Variants in NELL1 observed in about 807,000 individuals in gnomAD.
The protein encoded by NELL1 is protein kinase C-binding protein NELL1.
Under a neutral mutation model 107.4 loss-of-function variants are expected in NELL1, and 76 were observed. The ratio of observed to expected loss-of-function variants is 0.71; its 90% confidence interval spans 0.59 to 0.86. The LOEUF (loss-of-function observed/expected upper bound fraction) is 0.86. Ranked by LOEUF, NELL1 falls within the 40% of genes least tolerant of loss-of-function variation. The probability of loss-of-function intolerance (pLI) is 0.00; values close to 1 mark genes in which losing one functional copy is unlikely to be tolerated. For synonymous variants in NELL1, 353 were observed against 341.2 expected (o/e 1.03, Z -0.38); for missense variants, 1,024 against 1,005.5 (o/e 1.02, Z -0.25).
intron 13 of NELL1, among the ~76,000 whole-genome samples, chr11:21,140,795 A>T (rs2133771356): frequency 6.6e-6 from 1 of 152,318 alleles, no homozygotes; most frequent in East Asian, 1.9e-4. Flanking sequence ...ATCGTCATCT[A>T]GCTGTCATCC....
At chr11:21,227,258 C>T (rs1434577928) in intron 13 of NELL1, among the ~76,000 whole-genome samples, 2 of 152,152 alleles carry the variant, frequency 1.3e-5, no homozygotes, top group African/African-American at 4.8e-5. Flanking sequence ...AGCATGACCA[C>T]ACATGCTAGT....
intron 2 of NELL1, among the ~76,000 whole-genome samples, chr11:20,694,231 T>C (rs1285091894): frequency 6.6e-6 from 1 of 152,112 alleles, no homozygotes; most frequent in African/African-American, 2.4e-5. Flanking sequence ...TTGGTTTGAA[T>C]TTCCTCCTGT....
At chr11:21,378,219 A>T (rs1293423393) in intron 15 of NELL1, among the ~76,000 whole-genome samples, 2 of 150,854 alleles carry the variant, frequency 1.3e-5, no homozygotes, top group Non-Finnish European at 3.0e-5. Context: ...CTCGTGGTCT[A>T]GATGTAGCAT....
chr11:21,284,632 G>A (rs1353425490), intron 14 of NELL1: 2 of 413,400 alleles, frequency 4.8e-6, no homozygotes, highest in Non-Finnish European at 9.8e-6. Flanking sequence ...GTTATCAACA[G>A]TGTCTGCACA....
intron 12 of NELL1, among the ~76,000 whole-genome samples, chr11:20,980,356 G>A: frequency 6.6e-6 from 1 of 152,112 alleles, no homozygotes; most frequent in East Asian, 1.9e-4. Context: ...AGAAGAATTA[G>A]GACTAAGATT....
Position 21,290,748 on chromosome 11 carries a change from A to G in NELL1, c.1549+61294A>G, listed in dbSNP as rs1280001731. Reference sequence around the variant, plus strand: ...GCAAACTCCAGCAGACCTGCTGCAGAGGGGCCTGACTGTTACAAGGAAAAC... The same window carrying G: ...GCAAACTCCAGCAGACCTGCTGCAGGGGGGCCTGACTGTTACAAGGAAAAC... On this transcript the variant is annotated intron_variant, in intron 14 of 19. Coordinates refer to ENST00000357134, the MANE Select transcript of NELL1 (RefSeq NM_006157.5). 5.9e-5 allele frequency among the ~76,000 whole-genome samples: 9 copies of G among 152,220 alleles called. 1 individual carries two copies.
intron 2 of NELL1, among the ~76,000 whole-genome samples, chr11:20,736,229 A>G (rs1855757969): frequency 6.6e-6 from 1 of 152,160 alleles, no homozygotes; most frequent in Admixed American, 6.5e-5. Flanking sequence ...GTGATTGGCT[A>G]GAGCATGCCT....
intron 14 of NELL1, among the ~76,000 whole-genome samples, chr11:21,238,165 A>G (rs1462247014): frequency 6.6e-6 from 1 of 152,038 alleles, no homozygotes; most frequent in African/African-American, 2.4e-5. Flanking sequence ...TGCTCAGATA[A>G]AACAATCTTA....
chr11:20,747,606 C>G (rs190231022), intron 2 of NELL1, among the ~76,000 whole-genome samples: 12 of 152,272 alleles, frequency 7.9e-5, no homozygotes, highest in Admixed American at 7.2e-4. Context: ...AAAGCAGAAC[C>G]CTTATCACCT....
intron 9 of NELL1, among the ~76,000 whole-genome samples, chr11:20,930,957 TA>T (rs1178012937): frequency 6.6e-6 from 1 of 152,086 alleles, no homozygotes; most frequent in Non-Finnish European, 1.5e-5. Context: ...TAGACAAACT[TA>T]AAAAGAAATG....
intron 14 of NELL1, among the ~76,000 whole-genome samples, chr11:21,362,855 C>T (rs1248140859): frequency 1.4e-5 from 2 of 146,688 alleles, no homozygotes; most frequent in East Asian, 4.0e-4. Context: ...GGGCTTGCTG[C>T]AGCCACAGTG....
At chr11:21,042,557 C>A (rs1032144290) in intron 12 of NELL1, among the ~76,000 whole-genome samples, 2 of 152,162 alleles carry the variant, frequency 1.3e-5, no homozygotes, top group Non-Finnish European at 2.9e-5. Flanking sequence ...CATCACCCAG[C>A]CAAAAGCTGG....
chr11:20,862,539 C>A (rs987282850), intron 4 of NELL1, among the ~76,000 whole-genome samples: 2 of 146,362 alleles, frequency 1.4e-5, no homozygotes, highest in African/African-American at 2.5e-5. Flanking sequence ...GGTATCGTGT[C>A]ATCTATACAG....
At chr11:20,982,504 G>C (rs1045865597) in intron 12 of NELL1, among the ~76,000 whole-genome samples, 1 of 152,124 alleles carries the variant, frequency 6.6e-6, no homozygotes, top group African/African-American at 2.4e-5. Context: ...CAAAACCCCA[G>C]GTTCCTTAGT....
chr11:21,296,630 C>T (rs1417587619), intron 14 of NELL1, among the ~76,000 whole-genome samples: 4 of 151,790 alleles, frequency 2.6e-5, no homozygotes, highest in Non-Finnish European at 5.9e-5. Flanking sequence ...AAGGAAGAAG[C>T]GCTGATACTA....
intron 10 of NELL1, among the ~76,000 whole-genome samples, chr11:20,938,213 AC>A (rs983032020): frequency 6.6e-6 from 1 of 152,014 alleles, no homozygotes; most frequent in Non-Finnish European, 1.5e-5. Context: ...GATAATACTA[AC>A]TCTACTCCCA....
chr11:20,829,892 A>G (rs1052349049), intron 3 of NELL1, among the ~76,000 whole-genome samples: 6 of 152,080 alleles, frequency 3.9e-5, no homozygotes, highest in African/African-American at 1.4e-4. Context: ...TGATGATATT[A>G]TCCTTGATTG....
intron 14 of NELL1, among the ~76,000 whole-genome samples, chr11:21,358,456 G>T (rs1343888287): frequency 4.0e-5 from 6 of 151,794 alleles, no homozygotes; most frequent in South Asian, 2.1e-4. Context: ...CTGGAGTGCA[G>T]TGGCATGATC....
chr11:21,056,250 G>C (rs1205171631), intron 12 of NELL1, among the ~76,000 whole-genome samples: 1 of 152,272 alleles, frequency 6.6e-6, no homozygotes, highest in Non-Finnish European at 1.5e-5. Flanking sequence ...CCTCATGAAA[G>C]TCCCTTCCAA....
Sources: allele counts gnomAD v4.1 joint callset (sites outside exome capture counted in the v4.1 genomes callset), GRCh38; gene constraint gnomAD v4.1.1; transcripts MANE v1.5; gene names NCBI Gene and HGNC (gene_info 2026-07-23, HGNC 2026-07-21).